AK2: variants seen among roughly 807,000 people sequenced by gnomAD.
The protein encoded by AK2 is adenylate kinase 2.
In AK2, 15 loss-of-function variants were observed where a neutral mutation model predicts 24.6. That is an observed-to-expected ratio of 0.61 (90% CI 0.41 to 0.94). The LOEUF (loss-of-function observed/expected upper bound fraction) is 0.94, where lower values mean the gene tolerates loss of function less well. Ranked by LOEUF, AK2 falls within the 40% of genes least tolerant of loss-of-function variation. The pLI is 0.00. For missense variants in AK2, 257 were observed against 304.1 expected, an observed-to-expected ratio of 0.85 and a Z score of 1.15; for synonymous variants, 102 against 114.0, an observed-to-expected ratio of 0.90 and a Z score of 0.67.
At chr1:33,018,494 A>C (rs1639332306) in intron 4 of AK2, among the ~76,000 whole-genome samples, 1 of 152,148 alleles carries the variant, frequency 6.6e-6, no homozygotes, top group Non-Finnish European at 1.5e-5. Context: ...TTCCTGCCTC[A>C]TTTTCTTCTA....
At chr1:33,033,059 A>C (rs752587683) in intron 1 of AK2, among the ~76,000 whole-genome samples, 4 of 151,894 alleles carry the variant, frequency 2.6e-5, no homozygotes, top group Non-Finnish European at 5.9e-5. Flanking sequence ...GCTACTCGGG[A>C]GACTGAGGCA....
At position 33,013,300 on chromosome 1, in the gene AK2, A is replaced by G; in HGVS notation, c.601T>C (p.Tyr201His). Residue 201 changes from tyrosine (Y) to histidine (H), a missense_variant, in exon 6 of 6, where the codon TAC becomes CAC. Tyr to His is a moderately conservative substitution (Grantham distance 83). Transcript: ENST00000672715. ...HTQTTPLIEY[Y>H]RKRGIHSAID... Reference sequence around the variant, plus strand: ...GCGGAGTGGATCCCCCGTTTCCTGTAGTACTCTATGAGTGGGGTGGTTTGA... The same window carrying G: ...GCGGAGTGGATCCCCCGTTTCCTGTGGTACTCTATGAGTGGGGTGGTTTGA... 6.2e-7 allele frequency: 1 copy of G among 1,614,156 alleles called. No individual in the cohort carries two copies. The highest frequency in any genetic ancestry group is 8.5e-7 in the Non-Finnish European group (1 of 1,180,002).
At chr1:33,020,690 C>CA (rs1472572954) in intron 4 of AK2, among the ~76,000 whole-genome samples, 2 of 151,772 alleles carry the variant, frequency 1.3e-5, no homozygotes, top group African/African-American at 4.8e-5. Flanking sequence ...ACTAAAACTA[C>CA]AAAAATTAGC....
intron 5 of AK2, 55 bp from the exon 6 acceptor site, chr1:33,013,457 T>C: frequency 6.4e-7 from 1 of 1,571,310 alleles, no homozygotes; most frequent in Middle Eastern, 1.7e-4. Flanking sequence ...GGTTTTCTTA[T>C]TCCATGCCAG....
intron 1 of AK2, among the ~76,000 whole-genome samples, chr1:33,033,174 G>A (rs67565806): frequency 1.8e-3 from 165 of 92,618 alleles, no homozygotes; most frequent in South Asian, 4.9e-3. Flanking sequence ...AAAAAAAAAA[G>A]AAAAGAAAAA....
rs1638625830 is a variant in AK2, at chr1:33,008,728, T to C, written c.*4453A>G. On this transcript the variant is annotated 3_prime_UTR_variant, in exon 6 of 6. Transcript: ENST00000672715. ...ACAGTTCTGACTCCACAGGGTGCTGTGTGAGGGTTACGTGAAGTCGAGGGT... is the reference window on the plus strand; with the variant it reads ...ACAGTTCTGACTCCACAGGGTGCTGCGTGAGGGTTACGTGAAGTCGAGGGT... 4.4e-6 allele frequency: 2 copies of C among 453,962 alleles called. No homozygotes were observed. The highest frequency in any genetic ancestry group is 3.1e-5 in the South Asian group (2 of 64,478). 28.1% of individuals were successfully genotyped at this position (453,962 alleles called of 1,614,324 possible).
rs76444375 is a variant in AK2 at position 33,030,134 on chromosome 1, G to A, written c.94-5567C>T. On this transcript the variant is annotated intron_variant, in intron 1 of 5. Transcript: ENST00000672715. ...ACCACTGCAGACAAACTGCTCTTAC[G>A]CATGGTTCCCAAATACGCGGCATAA... Among the ~76,000 whole-genome samples, 567 of 152,308 alleles carry A rather than the reference G, an allele frequency of 3.7e-3. 24 individuals are homozygous for A. In the East Asian group the frequency reaches 0.093, roughly 25 times the overall value.
rs1557621730 is a variant in AK2, at chr1:33,021,356, G to A, written c.425+11C>T. 6.2e-7 allele frequency: 1 copy of A among 1,612,502 alleles called. No individual in the cohort carries two copies. On this transcript the variant is annotated intron_variant, in intron 4 of 5. Transcript: ENST00000672715. ...GAGAAGCATGAAAAGGGACCTTCAAGGGACAAATACCTTCCTGTGATTCTT... is the reference window on the plus strand; with the variant it reads ...GAGAAGCATGAAAAGGGACCTTCAAAGGACAAATACCTTCCTGTGATTCTT...
Position 33,013,302 on chromosome 1 carries a change from T to C in AK2, c.599A>G (p.Tyr200Cys). 6.2e-7 allele frequency: 1 copy of C among 1,614,190 alleles called. No homozygotes were observed. The highest frequency in any genetic ancestry group is 8.5e-7 in the Non-Finnish European group (1 of 1,180,012). Reference protein sequence around the residue: ...YHTQTTPLIEYYRKRGIHSAI... With the variant: ...YHTQTTPLIECYRKRGIHSAI... The stretch of plus-strand genomic sequence containing the variant: ...GGAGTGGATCCCCCGTTTCCTGTAG[T>C]ACTCTATGAGTGGGGTGGTTTGAGT... Residue 200 changes from tyrosine (Y) to cysteine (C), a missense_variant, in exon 6 of 6, where the codon TAC becomes TGC. By Grantham distance (194) the Tyr-to-Cys change is radical. Transcript: ENST00000672715.
intron 1 of AK2, among the ~76,000 whole-genome samples, chr1:33,030,047 C>T (rs1640140863): frequency 6.6e-6 from 1 of 152,238 alleles, no homozygotes; most frequent in African/African-American, 2.4e-5. Flanking sequence ...CCACAATCAA[C>T]TTCTAAAACC....
chr1:33,021,767 C>A, intron 2 of AK2, 64 bp from the exon 3 acceptor site: 1 of 1,270,298 alleles, frequency 7.9e-7, no homozygotes, highest in Non-Finnish European at 1.2e-6. Context: ...GACATTAGCC[C>A]AACTCCACAG....
At position 33,013,000 on chromosome 1, in the gene AK2, AC is replaced by A. The variant is rs758894198; in HGVS notation, c.*180del. The A allele has an allele frequency of 1.3e-5, 21 of 1,591,364 alleles. No homozygotes were observed. The highest frequency in any genetic ancestry group is 1.7e-5 in the Admixed American group (1 of 59,706). ...TATGTGCATGCACACACACACACAC[AC>A]AACACACATACACACAGATGAGAGT... On this transcript the variant is annotated 3_prime_UTR_variant, in exon 6 of 6. Transcript: ENST00000672715.
At chr1:33,017,832 G>A (rs1639289470) in intron 4 of AK2, among the ~76,000 whole-genome samples, 1 of 152,128 alleles carries the variant, frequency 6.6e-6, no homozygotes, top group Non-Finnish European at 1.5e-5. Context: ...ATGGCTCAGT[G>A]CAGCCTCGAC....
At chr1:33,033,440 C>T (rs556294183) in intron 1 of AK2, among the ~76,000 whole-genome samples, 53 of 152,164 alleles carry the variant, frequency 3.5e-4, no homozygotes, top group African/African-American at 1.3e-3. Context: ...AGGACTGAGG[C>T]TGCCGTGAGC....
At chr1:33,017,013 T>A (rs1037049115) in intron 4 of AK2, among the ~76,000 whole-genome samples, 4 of 152,140 alleles carry the variant, frequency 2.6e-5, no homozygotes, top group East Asian at 1.9e-4. Context: ...TCTAGTTTTT[T>A]AATTTTTTGT....
chr1:33,021,301 A>ATGAAGTTT (rs1639534851), intron 4 of AK2, 66 bp downstream of exon 4: 4 of 1,392,002 alleles, frequency 2.9e-6, no homozygotes, highest in East Asian at 4.6e-5. Context: ...GGATTAGGCA[A>ATGAAGTTT]GAGCAATTCT....
intron 1 of AK2, among the ~76,000 whole-genome samples, chr1:33,026,089 A>G (rs1377394263): frequency 6.6e-6 from 1 of 152,242 alleles, no homozygotes; most frequent in Non-Finnish European, 1.5e-5. Context: ...AAGGAATATA[A>G]TCAGTTCAAG....
rs181009703 is a variant in AK2, at chr1:33,009,049, G to C, written c.*4132C>G. 1.9e-4 allele frequency: 87 copies of C among 454,104 alleles called. 1 individual carries two copies. In the East Asian group the frequency reaches 4.0e-3, roughly 21 times the overall value. 28.1% of individuals were successfully genotyped at this position (454,104 alleles called of 1,614,324 possible). A position where few individuals can be genotyped will look rare whatever the true frequency, so the allele number is the denominator to read the frequency against. ...AAACAGATCAGTGCAAATCAGTAAG[G>C]CTAACACCTGAAAATGACTCTGCAC... On this transcript the variant is annotated 3_prime_UTR_variant, in exon 6 of 6. Coordinates refer to ENST00000672715, the MANE Select transcript of AK2 (RefSeq NM_001625.4).
intron 1 of AK2, among the ~76,000 whole-genome samples, chr1:33,026,584 G>A (rs1333249334): frequency 6.6e-6 from 1 of 152,166 alleles, no homozygotes; most frequent in Non-Finnish European, 1.5e-5. Flanking sequence ...CAAGGCGGGT[G>A]GATCACAAGG....
Sources: gnomAD v4.1 joint callset for allele counts (sites outside exome capture counted in the v4.1 genomes callset) on GRCh38, gnomAD v4.1.1 for gene constraint, MANE v1.5 for transcripts, NCBI Gene and HGNC (gene_info 2026-07-23, HGNC 2026-07-21) for gene names.